Variants in RSF1 observed in about 807,000 individuals in gnomAD.
RSF1 encodes the protein remodeling and spacing factor 1.
RSF1 carries 13 observed loss-of-function variants against 145.2 expected under a neutral mutation model. The ratio of observed to expected loss-of-function variants is 0.09; its 90% CI spans 0.06 to 0.14. The LOEUF (loss-of-function observed/expected upper bound fraction) is 0.14. Among genes scored for constraint, RSF1 ranks in the 10% least tolerant of loss-of-function variants. RSF1 has a pLI of 1.00. For missense variants in RSF1, 1,517 were observed against 1,718.2 expected, an observed-to-expected ratio of 0.88 and a Z score of 2.07; for synonymous variants, 577 against 592.6, an observed-to-expected ratio of 0.97 and a Z score of 0.38.
intron 1 of RSF1, among the ~76,000 whole-genome samples, chr11:77,809,491 T>C (rs1948710622): frequency 6.6e-6 from 1 of 152,116 alleles, no homozygotes; most frequent in Non-Finnish European, 1.5e-5. Context: ...GTTATCATGG[T>C]GAATACAACT....
At chr11:77,815,080 A>C (rs1948769369) in intron 1 of RSF1, among the ~76,000 whole-genome samples, 1 of 152,236 alleles carries the variant, frequency 6.6e-6, no homozygotes, top group Admixed American at 6.5e-5. Flanking sequence ...AAATGGAAGT[A>C]AAGGGGAAGT....
chr11:77,824,853 A>ATTCCTATATAAAT, upstream of RSF1, among the ~76,000 whole-genome samples: 1 of 152,370 alleles, frequency 6.6e-6, no homozygotes, highest in African/African-American at 2.4e-5. Context: ...CTTCAATTTT[A>ATTCCTATATAAAT]GAAGTTAATG....
At chr11:77,837,517 C>T in the RSF1 span, among the ~76,000 whole-genome samples, 11 of 152,140 alleles carry the variant, frequency 7.2e-5, no homozygotes, top group South Asian at 4.1e-4. Context: ...TGCAGTGGTG[C>T]GATCTTGGCT....
intron 1 of RSF1, among the ~76,000 whole-genome samples, chr11:77,770,841 C>A (rs952837746): frequency 2.6e-5 from 4 of 152,302 alleles, no homozygotes; most frequent in Admixed American, 6.5e-5. Flanking sequence ...TGTGAAACCA[C>A]CTTTCCTGAA....
intron 1 of RSF1, among the ~76,000 whole-genome samples, chr11:77,772,205 A>C (rs1476093985): frequency 9.9e-5 from 15 of 151,852 alleles, no homozygotes; most frequent in African/African-American, 2.4e-5. Context: ...ACAGGGTCTC[A>C]CATCACTCAG....
At chr11:77,803,877 C>G (rs1211092988) in intron 1 of RSF1, among the ~76,000 whole-genome samples, 1 of 152,156 alleles carries the variant, frequency 6.6e-6, no homozygotes, top group African/African-American at 2.4e-5. Context: ...GCCAGAAATT[C>G]AAGATCAGCC....
intron 7 of RSF1, 119 bp from the exon 8 acceptor site, chr11:77,693,730 G>A: frequency 2.3e-6 from 1 of 427,464 alleles, no homozygotes; most frequent in East Asian, 3.7e-5. Flanking sequence ...CATAAAGCTA[G>A]TAAATAAAAA....
chr11:77,768,541 A>C (rs1948250324), intron 1 of RSF1, among the ~76,000 whole-genome samples: 1 of 152,206 alleles, frequency 6.6e-6, no homozygotes, highest in Non-Finnish European at 1.5e-5. Context: ...TACATTGTGC[A>C]TTTCACATTG....
At chr11:77,691,819 A>G (rs1474444228) in intron 8 of RSF1, 1 of 152,300 alleles carries the variant, frequency 6.6e-6, no homozygotes, top group Non-Finnish European at 1.5e-5. Flanking sequence ...GAGCTGAAAA[A>G]TGTACTTGAT....
intron 1 of RSF1, among the ~76,000 whole-genome samples, chr11:77,809,110 C>T (rs1349630310): frequency 3.3e-5 from 5 of 152,128 alleles, no homozygotes; most frequent in Admixed American, 3.3e-4. Flanking sequence ...ATCTTTTTAT[C>T]AAAATTTTCT....
In RSF1 at chr11:77,663,289, C is replaced by T. The variant is rs1251502955; in HGVS notation, c.*3628G>A. The T allele has an allele frequency of 1.3e-5, 2 of 152,140 alleles. No homozygotes were observed. Among genetic ancestry groups the T allele is most frequent in the African/African-American group, 4.8e-5 (2 of 41,436 alleles). The allele number at this position is 152,140 out of a possible 1,614,324, so 9.4% of individuals were successfully genotyped here. A position where few individuals can be genotyped will look rare whatever the true frequency, so the allele number is the denominator to read the frequency against. ...GACAAAGGACACCCCACCAGTCCCACTTAAAAACAGCTAACATTTCCTCAT... is the reference window on the plus strand; with the variant it reads ...GACAAAGGACACCCCACCAGTCCCATTTAAAAACAGCTAACATTTCCTCAT... On this transcript the variant is annotated 3_prime_UTR_variant, in exon 16 of 16. Coordinates refer to ENST00000308488, the MANE Select transcript of RSF1 (RefSeq NM_016578.4).
rs73508749 is a variant in RSF1 at position 77,711,759 on chromosome 11, C to T, written c.734-9264G>A. ...AACTTACGTAACTAGAGTACAATTA[C>T]CAAAACAGAAAATTAACATTGGTAA... On this transcript the variant is annotated intron_variant, in intron 5 of 15. Transcript: ENST00000308488. Among the ~76,000 whole-genome samples the T allele has an allele frequency of 1.8e-3, 269 of 152,300 alleles. 2 individuals are homozygous for T. The highest frequency in any genetic ancestry group is 6.8e-3 in the Middle Eastern group (2 of 294).
chr11:77,850,906 C>T, the RSF1 span: 3 of 150,112 alleles, frequency 2.0e-5, no homozygotes, highest in Non-Finnish European at 4.4e-5. Context: ...TCTATAACTA[C>T]AATTCTATTG....
the RSF1 span, among the ~76,000 whole-genome samples, chr11:77,828,308 A>G: frequency 6.6e-6 from 1 of 152,002 alleles, no homozygotes; most frequent in Non-Finnish European, 1.5e-5. Context: ...CAAAAAAATG[A>G]TATCAATAAC....
intron 5 of RSF1, among the ~76,000 whole-genome samples, chr11:77,717,421 G>T (rs1408730624): frequency 6.6e-6 from 1 of 152,058 alleles, no homozygotes; most frequent in African/African-American, 2.4e-5. Flanking sequence ...ACAGCTTCTG[G>T]ATGGCCATAA....
At chr11:77,695,353 C>CT (rs948114415) in intron 7 of RSF1, among the ~76,000 whole-genome samples, 62 of 152,160 alleles carry the variant, frequency 4.1e-4, no homozygotes, top group African/African-American at 1.5e-3. Flanking sequence ...TTCTATCTCC[C>CT]TTATGCCTTC....
intron 1 of RSF1, among the ~76,000 whole-genome samples, chr11:77,806,520 A>T (rs889261033): frequency 2.1e-5 from 3 of 146,174 alleles, no homozygotes; most frequent in African/African-American, 7.5e-5. Flanking sequence ...ATAAAAAAAG[A>T]TTTTTTTTTT....
chr11:77,817,564 G>A (rs781114402), intron 1 of RSF1, among the ~76,000 whole-genome samples: 1 of 152,100 alleles, frequency 6.6e-6, no homozygotes, highest in Non-Finnish European at 1.5e-5. Context: ...AATGCTCTAG[G>A]GTGCCTTGGT....
In RSF1 at chr11:77,798,800, A is replaced by G. The variant is rs1275952247; in HGVS notation, c.187+21728T>C. Among the ~76,000 whole-genome samples the G allele has an allele frequency of 2.6e-5, 4 of 151,670 alleles. No homozygotes were observed. The East Asian group carries it at 7.8e-4, about 29-fold the overall frequency. ...AGTTGAACAATGAACACATGGACAC[A>G]GGGAGGCAAACATCACACAACAGGG... On this transcript the variant is annotated intron_variant, in intron 1 of 15. Transcript: ENST00000308488.
Sources: allele counts gnomAD v4.1 joint callset (sites outside exome capture counted in the v4.1 genomes callset), GRCh38; gene constraint gnomAD v4.1.1; transcripts MANE v1.5; gene names NCBI Gene and HGNC (gene_info 2026-07-23, HGNC 2026-07-21).